The following STRN variants were observed in gnomAD, a reference collection of about 807,000 sequenced individuals.
STRN encodes the protein striatin.
In STRN, 53 loss-of-function variants were observed where a neutral mutation model predicts 96.3. The observed-to-expected ratio is 0.55, with a 90% CI of 0.44 to 0.69. The LOEUF is 0.69. STRN is among the 30% of genes least tolerant of loss of function. The pLI, the probability that STRN is intolerant of heterozygous loss-of-function variation, is 0.00. For synonymous variants in STRN, 428 were observed against 355.9 expected (o/e 1.20, Z -2.28); for missense variants, 987 against 963.9 (o/e 1.02, Z -0.32).
intron 10 of STRN, among the ~76,000 whole-genome samples, chr2:36,873,852 A>T (rs1668827962): frequency 1.3e-5 from 2 of 151,766 alleles, no homozygotes; most frequent in South Asian, 4.1e-4. Context: ...CTGAGGCAGG[A>T]GAATTGCTTG....
rs143496811 is a variant in STRN at position 36,945,436 on chromosome 2, G to A, written c.235-20228C>T. Among the ~76,000 whole-genome samples, 249 of 152,264 alleles carry A rather than the reference G, an allele frequency of 1.6e-3. 2 individuals carry two copies. In the Middle Eastern group the frequency reaches 0.02, roughly 12 times the overall value. On this transcript the variant is annotated intron_variant, in intron 1 of 17. Transcript: ENST00000263918. The stretch of plus-strand genomic sequence containing the variant: ...TAATCCCAGCACTTTGGGAGGCCGC[G>A]GCAGGCGGATCATGAGGTCAGGAGT...
chr2:36,899,475 T>C, intron 6 of STRN, 48 bp downstream of exon 6: 1 of 1,550,784 alleles, frequency 6.4e-7, no homozygotes, highest in Non-Finnish European at 8.7e-7. Flanking sequence ...ATACAGTATG[T>C]ATTATAGTCC....
intron 3 of STRN, among the ~76,000 whole-genome samples, chr2:36,912,606 A>G (rs1217255930): frequency 6.6e-6 from 1 of 152,106 alleles, no homozygotes; most frequent in Admixed American, 6.5e-5. Context: ...GTCATTCCTC[A>G]GGGCTCCATT....
In STRN at chr2:36,901,663, G is replaced by A. The variant is rs531629294; in HGVS notation, c.659+921C>T. Among the ~76,000 whole-genome samples the A allele has an allele frequency of 2.0e-5, 3 of 151,814 alleles. No homozygotes were observed. The South Asian group carries it at 6.2e-4, about 32-fold the overall frequency. On this transcript the variant is annotated intron_variant, in intron 5 of 17. Coordinates refer to ENST00000263918, the MANE Select transcript of STRN (RefSeq NM_003162.4). ...AATGTCCACACAGTCTATATCTATA[G>A]AGAAATAACATGCCTTACATTTACA...
At chr2:36,935,612 G>C (rs1670682017) in intron 1 of STRN, among the ~76,000 whole-genome samples, 2 of 152,128 alleles carry the variant, frequency 1.3e-5, no homozygotes, top group South Asian at 4.1e-4. Context: ...TGCCTACTAA[G>C]TGCTTCCCAC....
intron 15 of STRN, among the ~76,000 whole-genome samples, chr2:36,852,687 A>T (rs542688289): frequency 2.8e-4 from 43 of 152,304 alleles, no homozygotes; most frequent in African/African-American, 9.9e-4. Flanking sequence ...AGTTTAAAAA[A>T]TTTTTTGAAC....
chr2:36,877,859 G>A (rs1043881210), intron 10 of STRN, 32 bp downstream of exon 10: 7 of 1,610,606 alleles, frequency 4.3e-6, no homozygotes, highest in Non-Finnish European at 5.9e-6. Flanking sequence ...TAAAAACCAA[G>A]TAAACACAAC....
At chr2:36,858,856 A>C (rs914957468) in intron 13 of STRN, among the ~76,000 whole-genome samples, 1 of 152,242 alleles carries the variant, frequency 6.6e-6, no homozygotes, top group East Asian at 1.9e-4. Flanking sequence ...CTCAACAGAC[A>C]ATGTTGAAAG....
At chr2:36,859,344 G>C (rs1572627112) in intron 13 of STRN, among the ~76,000 whole-genome samples, 1 of 152,134 alleles carries the variant, frequency 6.6e-6, no homozygotes, top group Non-Finnish European at 1.5e-5. Context: ...GACAGCCAGA[G>C]CAGAAAAAGT....
Position 36,962,590 on chromosome 2 carries a change from G to A in STRN, c.234+3640C>T, listed in dbSNP as rs550048755. On this transcript the variant is annotated intron_variant, in intron 1 of 17. Transcript: ENST00000263918. ...TCGCCAGGCTGGAGTGCAGTGGCAC[G>A]ATCTCAGCTCACTGCAACCTCCGCC... is the stretch of plus-strand genomic sequence containing the variant. Among the ~76,000 whole-genome samples, 4 of 151,028 alleles carry A rather than the reference G, an allele frequency of 2.6e-5. No homozygotes were observed. In the South Asian group the frequency reaches 6.3e-4, roughly 24 times the overall value.
intron 1 of STRN, among the ~76,000 whole-genome samples, chr2:36,963,338 G>A (rs746388830): frequency 1.3e-5 from 2 of 152,140 alleles, no homozygotes; most frequent in Non-Finnish European, 2.9e-5. Context: ...GTTGACTCTG[G>A]TGTTAATGGC....
intron 3 of STRN, among the ~76,000 whole-genome samples, chr2:36,906,692 G>A (rs1212304131): frequency 4.6e-5 from 7 of 151,186 alleles, no homozygotes; most frequent in East Asian, 3.9e-4. Context: ...TTGGGAGGCC[G>A]AAGCGGGTGG....
chr2:36,855,142 G>T, intron 15 of STRN, 70 bp downstream of exon 15: 1 of 1,485,582 alleles, frequency 6.7e-7, no homozygotes, highest in South Asian at 1.2e-5. Context: ...TTTCACAGCT[G>T]ACTCTAGTAG....
intron 6 of STRN, among the ~76,000 whole-genome samples, chr2:36,898,250 G>A (rs1238669656): frequency 1.3e-5 from 2 of 152,146 alleles, no homozygotes; most frequent in Non-Finnish European, 1.5e-5. Flanking sequence ...GCATCCCACA[G>A]AAATCACAAG....
At chr2:36,897,249 T>C (rs1669565250) in intron 6 of STRN, among the ~76,000 whole-genome samples, 1 of 152,118 alleles carries the variant, frequency 6.6e-6, no homozygotes, top group African/African-American at 2.4e-5. Flanking sequence ...CTTTCAGCTT[T>C]TCCTATAGAA....
intron 3 of STRN, among the ~76,000 whole-genome samples, chr2:36,911,781 C>G (rs1669970966): frequency 6.6e-6 from 1 of 152,114 alleles, no homozygotes; most frequent in Admixed American, 6.5e-5. Flanking sequence ...TATTAACTAT[C>G]TGCATTCTCT....
At chr2:36,894,269 A>C (rs1328303437) in intron 6 of STRN, among the ~76,000 whole-genome samples, 1 of 152,236 alleles carries the variant, frequency 6.6e-6, no homozygotes, top group Admixed American at 6.5e-5. Context: ...ACGGAACCAC[A>C]TACTGAAATA....
intron 12 of STRN, among the ~76,000 whole-genome samples, chr2:36,862,975 G>C (rs1040956242): frequency 6.6e-6 from 1 of 152,034 alleles, no homozygotes; most frequent in Non-Finnish European, 1.5e-5. Context: ...CGCCCGCCTC[G>C]GCCTCCCAAA....
At chr2:36,871,312 A>G (rs1025002803) in intron 10 of STRN, among the ~76,000 whole-genome samples, 4 of 152,234 alleles carry the variant, frequency 2.6e-5, no homozygotes, top group Admixed American at 6.5e-5. Context: ...TCCATTCGTG[A>G]TAAGTGTCCT....
Sources: allele counts gnomAD v4.1 joint callset (sites outside exome capture counted in the v4.1 genomes callset), GRCh38; gene constraint gnomAD v4.1.1; transcripts MANE v1.5; gene names NCBI Gene and HGNC (gene_info 2026-07-23, HGNC 2026-07-21).